MRPS27: variants seen among roughly 807,000 people sequenced by gnomAD.
MRPS27 encodes the protein mitochondrial ribosomal protein S27.
MRPS27 carries 43 observed loss-of-function variants against 48.9 expected under a neutral mutation model. The ratio of observed to expected loss-of-function variants is 0.88; its 90% CI spans 0.69 to 1.13. MRPS27 has a LOEUF of 1.13. Ranked by LOEUF, MRPS27 falls within the 50% of genes most tolerant of loss-of-function variation. MRPS27 has a pLI of 0.00. For synonymous variants in MRPS27, 188 were observed against 171.9 expected, an observed-to-expected ratio of 1.09 and a Z score of -0.73; for missense variants, 467 against 476.3, an observed-to-expected ratio of 0.98 and a Z score of 0.18.
chr5:72,250,682 C>T (rs1004328907), intron 4 of MRPS27, among the ~76,000 whole-genome samples: 2 of 152,168 alleles, frequency 1.3e-5, no homozygotes, highest in African/African-American at 4.8e-5. Flanking sequence ...ATGAAAATCA[C>T]ATAGGAGCTA....
At chr5:72,276,402 A>G (rs1210126677) in intron 4 of MRPS27, among the ~76,000 whole-genome samples, 1 of 152,232 alleles carries the variant, frequency 6.6e-6, no homozygotes, top group Non-Finnish European at 1.5e-5. Flanking sequence ...TACCCCTTAC[A>G]CAAAAATTAA....
chr5:72,277,473 G>GC (rs888885708), intron 4 of MRPS27, among the ~76,000 whole-genome samples: 4 of 151,946 alleles, frequency 2.6e-5, no homozygotes, highest in African/African-American at 9.7e-5. Flanking sequence ...GCATGGTGGC[G>GC]CATGTCTGTA....
chr5:72,247,837 T>A (rs913654652), intron 4 of MRPS27, among the ~76,000 whole-genome samples: 2 of 152,170 alleles, frequency 1.3e-5, no homozygotes, highest in Admixed American at 1.3e-4. Flanking sequence ...CAGAAATGGT[T>A]GAACTCTAAA....
At chr5:72,303,354 G>A (rs1264055963) in intron 2 of MRPS27, among the ~76,000 whole-genome samples, 1 of 152,160 alleles carries the variant, frequency 6.6e-6, no homozygotes, top group Non-Finnish European at 1.5e-5. Flanking sequence ...TTAGACACAG[G>A]TGAAGTGAGA....
intron 4 of MRPS27, among the ~76,000 whole-genome samples, chr5:72,238,872 G>A (rs933759056): frequency 4.6e-5 from 7 of 152,094 alleles, no homozygotes; most frequent in African/African-American, 9.7e-5. Flanking sequence ...CTTAGTTCAC[G>A]CACATTGCTA....
Position 72,253,982 on chromosome 5 carries a change from C to G in MRPS27, c.282-15854G>C, listed in dbSNP as rs113168904. On this transcript the variant is annotated intron_variant, in intron 4 of 10. Coordinates refer to ENST00000261413, the MANE Select transcript of MRPS27 (RefSeq NM_015084.3). ...TTTTTAGAGGTTAAGTCTCACTATG[C>G]TATCTAGGCTGGTCTTGAACTCCTG... 4.1e-3 allele frequency among the ~76,000 whole-genome samples: 624 copies of G among 152,256 alleles called. 3 individuals carry two copies. The highest frequency in any genetic ancestry group is 6.4e-3 in the Non-Finnish European group (434 of 68,010).
chr5:72,261,609 GAAAT>G (rs1354503953), intron 4 of MRPS27, among the ~76,000 whole-genome samples: 1 of 152,060 alleles, frequency 6.6e-6, no homozygotes, highest in African/African-American at 2.4e-5. Flanking sequence ...GTAGAAAACT[GAAAT>G]AAATATTCAT....
chr5:72,281,950 T>C (rs1424012944), intron 4 of MRPS27, among the ~76,000 whole-genome samples: 1 of 152,232 alleles, frequency 6.6e-6, no homozygotes, highest in East Asian at 1.9e-4. Context: ...TGTGCTGTAA[T>C]GATCTGGTGT....
At chr5:72,273,518 C>T (rs1211789112) in intron 4 of MRPS27, among the ~76,000 whole-genome samples, 1 of 152,184 alleles carries the variant, frequency 6.6e-6, no homozygotes, top group Non-Finnish European at 1.5e-5. Context: ...TACATCTAGG[C>T]CATACGCTAT....
chr5:72,260,101 T>A (rs2111999147), intron 4 of MRPS27, among the ~76,000 whole-genome samples: 1 of 152,316 alleles, frequency 6.6e-6, no homozygotes, highest in Non-Finnish European at 1.5e-5. Context: ...ATGCTATAAT[T>A]ACTATTTCTC....
intron 4 of MRPS27, among the ~76,000 whole-genome samples, chr5:72,286,076 T>C (rs1749663551): frequency 6.6e-6 from 1 of 152,248 alleles, no homozygotes; most frequent in African/African-American, 2.4e-5. Context: ...TTCCCTCATA[T>C]TCCTTATAAT....
intron 4 of MRPS27, among the ~76,000 whole-genome samples, chr5:72,268,380 T>TA (rs2112013088): frequency 1.3e-5 from 2 of 152,330 alleles, no homozygotes; most frequent in African/African-American, 4.8e-5. Context: ...TTCTCTTTGC[T>TA]ACACAAATGT....
intron 4 of MRPS27, among the ~76,000 whole-genome samples, chr5:72,268,635 G>A (rs1232033418): frequency 6.6e-5 from 10 of 152,150 alleles, no homozygotes; most frequent in Admixed American, 2.0e-4. Context: ...ATGGATCAAG[G>A]TCTTCTGTCA....
intron 4 of MRPS27, among the ~76,000 whole-genome samples, chr5:72,246,319 G>C (rs1006909707): frequency 6.6e-6 from 1 of 152,222 alleles, no homozygotes; most frequent in African/African-American, 2.4e-5. Flanking sequence ...GATGAAAGAT[G>C]GCAGAGGAAG....
chr5:72,236,500 T>C (rs1240416130), intron 5 of MRPS27, among the ~76,000 whole-genome samples: 1 of 152,152 alleles, frequency 6.6e-6, no homozygotes, highest in African/African-American at 2.4e-5. Flanking sequence ...CTAGTTTTGC[T>C]ATCATAGGAA....
intron 7 of MRPS27, among the ~76,000 whole-genome samples, chr5:72,231,289 G>A (rs1748058760): frequency 6.6e-6 from 1 of 151,910 alleles, no homozygotes; most frequent in Admixed American, 6.6e-5. Flanking sequence ...CCTCTTTTTG[G>A]ACTGTTCTTC....
intron 2 of MRPS27, among the ~76,000 whole-genome samples, chr5:72,302,626 T>C (rs1750153747): frequency 6.6e-6 from 1 of 152,212 alleles, no homozygotes. Flanking sequence ...AGAAGGTAGA[T>C]GTAACTGTCA....
At chr5:72,287,502 G>C (rs1276009561) in intron 4 of MRPS27, among the ~76,000 whole-genome samples, 1 of 152,182 alleles carries the variant, frequency 6.6e-6, no homozygotes, top group East Asian at 1.9e-4. Context: ...AGCCAGGCGT[G>C]GTGGCAACTG....
chr5:72,291,448 G>A (rs1749817700), intron 4 of MRPS27, among the ~76,000 whole-genome samples: 1 of 152,096 alleles, frequency 6.6e-6, no homozygotes, highest in Non-Finnish European at 1.5e-5. Flanking sequence ...TTTGGGATAT[G>A]GTAACATATG....
Sources: allele counts gnomAD v4.1 joint callset (sites outside exome capture counted in the v4.1 genomes callset), GRCh38; gene constraint gnomAD v4.1.1; transcripts MANE v1.5; gene names NCBI Gene and HGNC (gene_info 2026-07-23, HGNC 2026-07-21).